GGACT: variants seen among roughly 807,000 people sequenced by gnomAD.
The protein encoded by GGACT is gamma-glutamylaminecyclotransferase.
For synonymous variants in GGACT, 118 were observed against 115.3 expected, an observed-to-expected ratio of 1.02 and a Z score of -0.15; for missense variants, 241 against 233.2, an observed-to-expected ratio of 1.03 and a Z score of -0.22.
chr13:100,578,585 T>C (rs1274122815), intron 2 of GGACT, among the ~76,000 whole-genome samples: 1 of 152,220 alleles, frequency 6.6e-6, no homozygotes, highest in East Asian at 1.9e-4. Flanking sequence ...TCACAATTCT[T>C]CCTAAAATTA....
Position 100,558,271 on chromosome 13 carries a change from A to T in GGACT, c.-11+25554T>A, listed in dbSNP as rs186977875. 1.4e-4 allele frequency among the ~76,000 whole-genome samples: 22 copies of T among 152,120 alleles called. No individual in the cohort carries two copies. In the East Asian group the frequency reaches 4.1e-3, roughly 28 times the overall value. On this transcript the variant is annotated intron_variant, in intron 2 of 2. Coordinates refer to ENST00000683975, the MANE Select transcript of GGACT (RefSeq NM_001195087.2). ...GGCAGGAGGACTGCTTGAGCCCAGGAGTTAGAGACCAGCCTGGGAAACACA... is the reference window on the plus strand; with the variant it reads ...GGCAGGAGGACTGCTTGAGCCCAGGTGTTAGAGACCAGCCTGGGAAACACA...
In GGACT at chr13:100,556,465, G is replaced by A. The variant is rs75015008; in HGVS notation, c.-10-23864C>T. Among the ~76,000 whole-genome samples the A allele has an allele frequency of 8.3e-3, 1,262 of 152,114 alleles. 23 individuals carry two copies. The highest frequency in any genetic ancestry group is 0.029 in the African/African-American group (1,202 of 41,554). On this transcript the variant is annotated intron_variant, in intron 2 of 2. Coordinates refer to ENST00000683975, the MANE Select transcript of GGACT (RefSeq NM_001195087.2). The stretch of plus-strand genomic sequence containing the variant: ...CACTGAAAATTCCAAACACTGATGA[G>A]AGAATTTTAGTATCTAAATAAATGG...
At chr13:100,582,537 A>G (rs748479549) in intron 2 of GGACT, among the ~76,000 whole-genome samples, 6 of 152,192 alleles carry the variant, frequency 3.9e-5, no homozygotes, top group Non-Finnish European at 7.3e-5. Flanking sequence ...AATCTAATCA[A>G]ATGAGGAATC....
At chr13:100,564,586 T>C (rs2088794079) in intron 2 of GGACT, among the ~76,000 whole-genome samples, 1 of 152,220 alleles carries the variant, frequency 6.6e-6, no homozygotes, top group Non-Finnish European at 1.5e-5. Flanking sequence ...CATTCACCCT[T>C]TAAATTTCTT....
chr13:100,559,913 C>T (rs1161285746), intron 2 of GGACT, among the ~76,000 whole-genome samples: 4 of 152,242 alleles, frequency 2.6e-5, no homozygotes, highest in East Asian at 1.9e-4. Context: ...TGTCCATCAA[C>T]TTGAGAATGC....
In GGACT at chr13:100,532,165, G is replaced by C; in HGVS notation, c.427C>G (p.His143Asp). The C allele has an allele frequency of 6.8e-7, 1 of 1,460,356 alleles. No individual in the cohort carries two copies. Among genetic ancestry groups the C allele is most frequent in the Non-Finnish European group, 9.1e-7 (1 of 1,100,526 alleles). 90.5% of individuals were successfully genotyped at this position (1,460,356 alleles called of 1,614,324 possible). ...TCCCGGGGGTTGTAGCGCAGCCCGT[G>C]CGGCCCCTCGGAGTCGTAGCTGTCA... is the stretch of plus-strand genomic sequence containing the variant. ...HHDSYDSEGPHGLRYNPRENR is the reference protein window; with the variant it reads ...HHDSYDSEGPDGLRYNPRENR Residue 143 changes from histidine to aspartate, a missense_variant, in exon 3 of 3, where the codon CAC becomes GAC. By Grantham distance (81) the His-to-Asp change is moderately conservative (BLOSUM62 -1). Transcript: ENST00000683975.
chr13:100,539,632 G>T, intron 2 of GGACT: 1 of 471,026 alleles, frequency 2.1e-6, no homozygotes, highest in Non-Finnish European at 3.7e-6. Context: ...TTTTGGCATC[G>T]ATCTTCATCA....
At chr13:100,570,497 G>C (rs1478206464) in intron 2 of GGACT, among the ~76,000 whole-genome samples, 1 of 152,192 alleles carries the variant, frequency 6.6e-6, no homozygotes, top group Non-Finnish European at 1.5e-5. Flanking sequence ...CCGCTGCCAT[G>C]ATTCAGTTAT....
rs1242465848 is a variant in GGACT at position 100,588,763 on chromosome 13, G to A, written c.-206C>T. The A allele has an allele frequency of 2.0e-5, 3 of 151,836 alleles. No individual in the cohort carries two copies. Among genetic ancestry groups the A allele is most frequent in the Non-Finnish European group, 4.4e-5 (3 of 67,938 alleles). The allele number at this position is 151,836 out of a possible 1,614,324, so 9.4% of individuals were successfully genotyped here. ...CACCTGCCGGCAGCCGGGGCTGTCG[G>A]GGAGGGCAGGGCCAGGGCGGAAATG... On this transcript the variant is annotated 5_prime_UTR_variant, in exon 1 of 3. Transcript: ENST00000683975.
intron 2 of GGACT, among the ~76,000 whole-genome samples, chr13:100,567,170 G>T (rs1445336552): frequency 6.6e-6 from 1 of 152,162 alleles, no homozygotes. Flanking sequence ...ACTTAAGGTG[G>T]TGACTGCCAG....
chr13:100,561,897 G>A (rs776887275), intron 2 of GGACT, among the ~76,000 whole-genome samples: 4 of 152,142 alleles, frequency 2.6e-5, no homozygotes, highest in Non-Finnish European at 1.5e-5. Context: ...GCCCAGCATG[G>A]GTGGGTTCAA....
chr13:100,530,184 A>G lies in GGACT; in HGVS notation c.*1946T>C, dbSNP rs777116423. Reference sequence around the variant, plus strand: ...TGGAATGAAGGATTTATAACCTTTCAGTCATCACCCAATTTAATTAGCCAT... The same window carrying G: ...TGGAATGAAGGATTTATAACCTTTCGGTCATCACCCAATTTAATTAGCCAT... On this transcript the variant is annotated 3_prime_UTR_variant, in exon 3 of 3. Coordinates refer to ENST00000683975, the MANE Select transcript of GGACT (RefSeq NM_001195087.2). 9.4e-6 allele frequency: 15 copies of G among 1,594,216 alleles called. No homozygotes were observed. In the South Asian group the frequency reaches 1.5e-4, roughly 16 times the overall value.
At chr13:100,535,682 G>A (rs913621505) in intron 2 of GGACT, 2 of 152,146 alleles carry the variant, frequency 1.3e-5, no homozygotes, top group African/African-American at 2.4e-5. Context: ...GATCTATTTC[G>A]GCATTAGAAC....
chr13:100,561,475 C>T (rs759480011), intron 2 of GGACT, among the ~76,000 whole-genome samples: 4 of 152,206 alleles, frequency 2.6e-5, no homozygotes, highest in Admixed American at 6.5e-5. Context: ...CTCTTCACCC[C>T]GATTTTGAGC....
intron 2 of GGACT, among the ~76,000 whole-genome samples, chr13:100,542,690 T>C (rs951089677): frequency 6.6e-6 from 1 of 152,136 alleles, no homozygotes; most frequent in African/African-American, 2.4e-5. Context: ...TGAACCTCTG[T>C]CCCAAAGCTA....
rs1394429613 is a variant in GGACT at position 100,545,027 on chromosome 13, G to A, written c.-10-12426C>T. On this transcript the variant is annotated intron_variant, in intron 2 of 2. Coordinates refer to ENST00000683975, the MANE Select transcript of GGACT (RefSeq NM_001195087.2). The surrounding 1 kb of genome is among the most constrained non-coding windows in gnomAD (Gnocchi z 4.4). ...GACACTCAGAAGGCGCAGCGGAGGC[G>A]GCAGCAGGAGGCAGAGCCAGGAACA... Among the ~76,000 whole-genome samples, 5 of 152,350 alleles carry A rather than the reference G, an allele frequency of 3.3e-5. No homozygotes were observed. The highest frequency in any genetic ancestry group is 7.2e-5 in the African/African-American group (3 of 41,592).
rs1232054223 is a variant in GGACT, at chr13:100,530,925, T to TGAGA, written c.*1201_*1204dup. 3 of 152,358 alleles carry TGAGA rather than the reference T, an allele frequency of 2.0e-5. No individual in the cohort carries two copies. The highest frequency in any genetic ancestry group is 7.2e-5 in the African/African-American group (3 of 41,466). The allele number at this position is 152,358 out of a possible 1,614,324, so 9.4% of individuals were successfully genotyped here. A position where few individuals can be genotyped will look rare whatever the true frequency, so the allele number is the denominator to read the frequency against. On this transcript the variant is annotated 3_prime_UTR_variant, in exon 3 of 3. Coordinates refer to ENST00000683975, the MANE Select transcript of GGACT (RefSeq NM_001195087.2). ...ACAGGGCCGCCACGAGCTCATCAGC[T>TGAGA]GAGACCCAGCGTAGCCTTTTTGTGT...
chr13:100,553,151 C>G (rs2088680658), intron 2 of GGACT, among the ~76,000 whole-genome samples: 1 of 152,164 alleles, frequency 6.6e-6, no homozygotes, highest in African/African-American at 2.4e-5. Context: ...CGTTCGAGGG[C>G]ACTACGCCTG....
chr13:100,588,688 C>T (rs965411002), intron 1 of GGACT, 53 bp downstream of exon 1: 19 of 151,768 alleles, frequency 1.3e-4, no homozygotes, highest in African/African-American at 4.6e-4. Context: ...GACACCCCGC[C>T]TGGGGGGCGG....
Sources: allele counts gnomAD v4.1 joint callset (sites outside exome capture counted in the v4.1 genomes callset), GRCh38; gene constraint gnomAD v4.1.1; non-coding constraint Gnocchi (gnomAD v3.1); transcripts MANE v1.5; gene names NCBI Gene and HGNC (gene_info 2026-07-23, HGNC 2026-07-21).